TANC1: variants seen among roughly 807,000 people sequenced by gnomAD.
TANC1 encodes the protein tetratricopeptide repeat, ankyrin repeat and coiled-coil containing 1, also known as protein TANC1.
TANC1 carries 77 observed loss-of-function variants against 149.7 expected under a neutral mutation model. That is an observed-to-expected ratio of 0.51 (90% CI 0.43 to 0.62). The LOEUF (loss-of-function observed/expected upper bound fraction) is 0.62, where lower values mean the gene tolerates loss of function less well. Among genes scored for constraint, TANC1 ranks in the 20% least tolerant of loss-of-function variants. The pLI is 0.00. For missense variants in TANC1, 1,985 were observed against 2,321.8 expected (o/e 0.85, Z 2.98); for synonymous variants, 854 against 925.0 (o/e 0.92, Z 1.39).
intron 4 of TANC1, among the ~76,000 whole-genome samples, chr2:159,123,506 A>G (rs1414255629): frequency 6.6e-6 from 1 of 151,778 alleles, no homozygotes; most frequent in African/African-American, 2.4e-5. Context: ...AACCCCTCCA[A>G]CACCTCCCCA....
At position 159,230,151 on chromosome 2, in the gene TANC1, T is replaced by G; in HGVS notation, c.4725T>G (p.Ala1575=). Reference sequence around the variant, plus strand: ...CAGGGAGAATCGCTGCCACTCCTGCTGGGAGCAGAACCCAGCATTTAGAGG... The same window carrying G: ...CAGGGAGAATCGCTGCCACTCCTGCGGGGAGCAGAACCCAGCATTTAGAGG... The part of the protein sequence containing the change: ...PMPGRIAATP[A]GSRTQHLEGT... The change falls in exon 27 of 27, where the codon GCT becomes GCG. Residue 1575 remains alanine, a synonymous_variant. Coordinates refer to ENST00000263635, the MANE Select transcript of TANC1 (RefSeq NM_033394.3). The surrounding 1 kb of genome is among the most constrained non-coding windows in gnomAD (Gnocchi z 4.4). 2 of 1,614,060 alleles carry G rather than the reference T, an allele frequency of 1.2e-6. No homozygotes were observed. The highest frequency in any genetic ancestry group is 1.7e-6 in the Non-Finnish European group (2 of 1,180,012).
intron 3 of TANC1, among the ~76,000 whole-genome samples, chr2:159,096,424 T>G (rs1451071067): frequency 1.3e-5 from 2 of 152,148 alleles, no homozygotes; most frequent in African/African-American, 4.8e-5. Context: ...TTAGAAATGC[T>G]TGTTCCCTGG....
chr2:158,978,750 A>G (rs1373766630), intron 1 of TANC1, among the ~76,000 whole-genome samples: 4 of 152,210 alleles, frequency 2.6e-5, no homozygotes, highest in African/African-American at 4.8e-5. Flanking sequence ...TATTCCCTCT[A>G]TGCAAAGATA....
chr2:159,183,736 A>G (rs1251496673), intron 14 of TANC1, among the ~76,000 whole-genome samples: 1 of 152,056 alleles, frequency 6.6e-6, no homozygotes, highest in Non-Finnish European at 1.5e-5. Context: ...ATTGTCAGAA[A>G]CATCACTGAG....
chr2:159,230,522 C>T lies in TANC1; in HGVS notation c.5096C>T (p.Thr1699Ile). Residue 1699 changes from threonine (T) to isoleucine (I), a missense_variant, in exon 27 of 27, where the codon ACT becomes ATT. By Grantham distance (89) the Thr-to-Ile change is moderately conservative. Transcript: ENST00000263635. The surrounding 1 kb of genome is among the most constrained non-coding windows in gnomAD (Gnocchi z 4.4). ...GGCTTCAAGGTCCAAGGACCAGATA[C>T]TAGAATTAAAGACAAGGTTGTAACC... is the stretch of plus-strand genomic sequence containing the variant. ...SDGFKVQGPD[T>I]RIKDKVVTHV... 2 of 1,614,210 alleles carry T rather than the reference C, an allele frequency of 1.2e-6. No homozygotes were observed. Among genetic ancestry groups the T allele is most frequent in the East Asian group, 2.2e-5 (1 of 44,884 alleles).
intron 4 of TANC1, among the ~76,000 whole-genome samples, chr2:159,134,852 G>A (rs55977908): frequency 0.027 from 4,147 of 152,168 alleles, 63 homozygotes; most frequent in East Asian, 0.047. Flanking sequence ...AAACTCCTGG[G>A]CTCAAGTGAT....
rs1559095989 is a variant in TANC1 at position 158,981,492 on chromosome 2, TA to T, written c.-126+12711del. Among the ~76,000 whole-genome samples the T allele has an allele frequency of 1.4e-3, 29 of 20,970 alleles. No homozygotes were observed. In the Admixed American group the frequency reaches 0.016, roughly 12 times the overall value. The allele number at this position is 20,970 out of a possible 152,430, so 13.8% of individuals were successfully genotyped here. The stretch of plus-strand genomic sequence containing the variant: ...AGTTTAGCAATTAATATATAGCTTT[TA>T]TATATATATATATATATATATATAT... On this transcript the variant is annotated intron_variant, in intron 1 of 26. Coordinates refer to ENST00000263635, the MANE Select transcript of TANC1 (RefSeq NM_033394.3).
Position 159,194,553 on chromosome 2 carries a change from G to A in TANC1, c.2979+60G>A, listed in dbSNP as rs1332451886. The A allele has an allele frequency of 1.4e-5, 20 of 1,410,428 alleles. No homozygotes were observed. In the East Asian group the frequency reaches 3.9e-4, roughly 27 times the overall value. 87.4% of individuals were successfully genotyped at this position (1,410,428 alleles called of 1,614,324 possible). Reference sequence around the variant, plus strand: ...GGGAAATGGCTTCATCTCATTGCTAGAATTGTTATTTGCTGGGCCAGACTC... The same window carrying A: ...GGGAAATGGCTTCATCTCATTGCTAAAATTGTTATTTGCTGGGCCAGACTC... On this transcript the variant is annotated intron_variant, in intron 17 of 26. Coordinates refer to ENST00000263635, the MANE Select transcript of TANC1 (RefSeq NM_033394.3).
In TANC1 at chr2:158,999,299, C is replaced by G. The variant is rs528281645; in HGVS notation, c.-125-1781C>G. ...AAATTAAATAGTCCTAAATTGGTATCGAGAAATTAGTGTGGTAGCCATATA... is the reference window on the plus strand; with the variant it reads ...AAATTAAATAGTCCTAAATTGGTATGGAGAAATTAGTGTGGTAGCCATATA... On this transcript the variant is annotated intron_variant, in intron 1 of 26. Coordinates refer to ENST00000263635, the MANE Select transcript of TANC1 (RefSeq NM_033394.3). Among the ~76,000 whole-genome samples the G allele has an allele frequency of 3.3e-5, 5 of 152,162 alleles. No homozygotes were observed. In the East Asian group the frequency reaches 9.7e-4, roughly 29 times the overall value.
chr2:158,979,597 A>G (rs949458009), intron 1 of TANC1, among the ~76,000 whole-genome samples: 6 of 152,184 alleles, frequency 3.9e-5, no homozygotes, highest in Non-Finnish European at 5.9e-5. Flanking sequence ...ACCAACTGAA[A>G]GACTCAAAAG....
rs554170102 is a variant in TANC1 at position 159,099,905 on chromosome 2, C to T, written c.259+2071C>T. On this transcript the variant is annotated intron_variant, in intron 4 of 26. Coordinates refer to ENST00000263635, the MANE Select transcript of TANC1 (RefSeq NM_033394.3). ...CTGCAAAATCCTACTGCATTGGTCC[C>T]TATATGTGTTAAGATGGTCCTGAAT... Among the ~76,000 whole-genome samples, 16 of 152,288 alleles carry T rather than the reference C, an allele frequency of 1.1e-4. No individual in the cohort carries two copies. In the South Asian group the frequency reaches 3.1e-3, roughly 30 times the overall value.
intron 1 of TANC1, among the ~76,000 whole-genome samples, chr2:158,983,333 G>A (rs2034595687): frequency 1.3e-5 from 2 of 151,828 alleles, no homozygotes; most frequent in South Asian, 4.2e-4. Context: ...CGGGCGTGGT[G>A]GCGGGTGCCT....
At chr2:159,060,031 C>T in intron 2 of TANC1, 1 of 553,142 alleles carries the variant, frequency 1.8e-6, no homozygotes, top group Non-Finnish European at 2.3e-6. Context: ...CTTCAGACTC[C>T]CTGCTACCAC....
At chr2:159,165,082 A>G (rs2054445981) in intron 8 of TANC1, among the ~76,000 whole-genome samples, 1 of 152,192 alleles carries the variant, frequency 6.6e-6, no homozygotes, top group South Asian at 2.1e-4. Flanking sequence ...CTTCAACAAA[A>G]ATAGTGAACT....
At chr2:159,078,017 T>C (rs751911794) in intron 3 of TANC1, among the ~76,000 whole-genome samples, 1 of 152,250 alleles carries the variant, frequency 6.6e-6, no homozygotes, top group Non-Finnish European at 1.5e-5. Context: ...TTTTTAATTA[T>C]GCAGTTCTTT....
intron 3 of TANC1, among the ~76,000 whole-genome samples, chr2:159,077,150 C>A (rs953469017): frequency 6.6e-6 from 1 of 152,142 alleles, no homozygotes; most frequent in African/African-American, 2.4e-5. Context: ...CCTCTAACTT[C>A]TGGATTACGC....
chr2:159,002,142 T>C (rs751985028), intron 2 of TANC1, among the ~76,000 whole-genome samples: 8 of 152,164 alleles, frequency 5.3e-5, no homozygotes, highest in Non-Finnish European at 7.4e-5. Flanking sequence ...AAAGAAAGTC[T>C]TGTCAGCAGA....
chr2:159,040,657 C>T (rs1262472059), intron 2 of TANC1, among the ~76,000 whole-genome samples: 1 of 152,140 alleles, frequency 6.6e-6, no homozygotes, highest in East Asian at 1.9e-4. Context: ...GTTAGCCATT[C>T]GTCTAATCTT....
At chr2:158,996,666 C>T (rs1261816509) in intron 1 of TANC1, among the ~76,000 whole-genome samples, 1 of 152,084 alleles carries the variant, frequency 6.6e-6, no homozygotes, top group Non-Finnish European at 1.5e-5. Context: ...AATTACTAAA[C>T]ATAGTAGTTT....
Sources: gnomAD v4.1 joint callset for allele counts (sites outside exome capture counted in the v4.1 genomes callset) on GRCh38, gnomAD v4.1.1 for gene constraint, Gnocchi (gnomAD v3.1) non-coding constraint, MANE v1.5 for transcripts, NCBI Gene and HGNC (gene_info 2026-07-23, HGNC 2026-07-21) for gene names.